ANXA4: variants seen among roughly 807,000 people sequenced by gnomAD.
ANXA4 encodes the protein annexin A4.
In ANXA4, 39 loss-of-function variants were observed where a neutral mutation model predicts 49.8. The ratio of observed to expected loss-of-function variants is 0.78; its 90% CI spans 0.61 to 1.02. The LOEUF (loss-of-function observed/expected upper bound fraction) is 1.02, where lower values mean the gene tolerates loss of function less well. Among genes scored for constraint, ANXA4 ranks in the 50% least tolerant of loss-of-function variants. ANXA4 has a pLI of 0.00. For synonymous variants in ANXA4, 134 were observed against 152.5 expected (o/e 0.88, Z 0.89); for missense variants, 360 against 410.1 (o/e 0.88, Z 1.05).
intron 2 of ANXA4, among the ~76,000 whole-genome samples, chr2:69,684,671 G>C (rs967693891): frequency 7.4e-6 from 1 of 135,898 alleles, no homozygotes; most frequent in African/African-American, 2.8e-5. Flanking sequence ...CTGGGCAACA[G>C]AGCAAGACTG....
At chr2:69,777,388 C>T (rs939712668) in intron 1 of ANXA4, among the ~76,000 whole-genome samples, 1 of 152,160 alleles carries the variant, frequency 6.6e-6, no homozygotes, top group African/African-American at 2.4e-5. Context: ...GCAACCAGCC[C>T]CCCATCCTAT....
chr2:69,745,204 C>T (rs906434907), intron 1 of ANXA4, among the ~76,000 whole-genome samples: 4 of 152,138 alleles, frequency 2.6e-5, no homozygotes, highest in African/African-American at 7.2e-5. Context: ...GGAATAAACT[C>T]GCTCTTTGAG....
At chr2:69,780,269 G>A (rs555473708) in intron 1 of ANXA4, among the ~76,000 whole-genome samples, 14 of 152,076 alleles carry the variant, frequency 9.2e-5, no homozygotes, top group Non-Finnish European at 1.8e-4. Flanking sequence ...ATCTTGGCTC[G>A]CTGCAACCTC....
intron 2 of ANXA4, among the ~76,000 whole-genome samples, chr2:69,672,809 A>T (rs1028621565): frequency 1.3e-5 from 2 of 152,168 alleles, no homozygotes; most frequent in Non-Finnish European, 2.9e-5. Context: ...ACCTGAAACA[A>T]TTAAGGGAAC....
chr2:69,763,712 G>C (rs998158710), intron 1 of ANXA4, among the ~76,000 whole-genome samples: 1 of 149,886 alleles, frequency 6.7e-6, no homozygotes, highest in Non-Finnish European at 1.5e-5. Context: ...GCCCAGGCTG[G>C]AGTGCAGTGG....
chr2:69,661,093 C>A (rs1676700017), intron 2 of ANXA4, among the ~76,000 whole-genome samples: 1 of 151,678 alleles, frequency 6.6e-6, no homozygotes, highest in Non-Finnish European at 1.5e-5. Context: ...CTTCTCATGA[C>A]AACAATACAG....
Position 69,755,021 on chromosome 2 carries a change from T to G in ANXA4, c.-47+12846T>G, listed in dbSNP as rs722264. Among the ~76,000 whole-genome samples, 1,296 of 152,334 alleles carry G rather than the reference T, an allele frequency of 8.5e-3. 20 individuals are homozygous for G. Among genetic ancestry groups the G allele is most frequent in the East Asian group, 0.075 (388 of 5,184 alleles). The stretch of plus-strand genomic sequence containing the variant: ...AATTTTGGTTTCACTTTAAAAGGAA[T>G]GAAATTCTATTAGATGGTACAGCAT... On this transcript the variant is annotated intron_variant, in intron 1 of 12. Transcript: ENST00000394295.
At chr2:69,736,008 G>A (rs1304206826) in intron 3 of ANXA4, among the ~76,000 whole-genome samples, 1 of 152,128 alleles carries the variant, frequency 6.6e-6, no homozygotes, top group Non-Finnish European at 1.5e-5. Context: ...TCTGCAACAT[G>A]GTGGTTTCAG....
chr2:69,822,710 G>C (rs1674294695), intron 12 of ANXA4, among the ~76,000 whole-genome samples: 1 of 152,156 alleles, frequency 6.6e-6, no homozygotes, highest in African/African-American at 2.4e-5. Flanking sequence ...ATGTAGAATA[G>C]GTAGATTCAT....
At chr2:69,723,049 G>A (rs2105431322) in intron 3 of ANXA4, among the ~76,000 whole-genome samples, 1 of 150,312 alleles carries the variant, frequency 6.7e-6, no homozygotes, top group Admixed American at 6.6e-5. Flanking sequence ...ATATTAGCCG[G>A]GCATGGTGGC....
intron 1 of ANXA4, among the ~76,000 whole-genome samples, chr2:69,758,590 C>T (rs1671152288): frequency 6.6e-6 from 1 of 152,086 alleles, no homozygotes; most frequent in Non-Finnish European, 1.5e-5. Context: ...CTACTGCACT[C>T]CAGCTTGGGT....
At position 69,825,587 on chromosome 2, in the gene ANXA4, TATTATC is replaced by T; in HGVS notation, c.*79_*84del. ...TTTTAACTTCATTTTTCTACACTGC[TATTATC>T]ATTATCTCAGAATGCTTATTTCCAA... On this transcript the variant is annotated 3_prime_UTR_variant, in exon 13 of 13. Transcript: ENST00000394295. The T allele has an allele frequency of 1.8e-6, 2 of 1,114,938 alleles. No homozygotes were observed. Among genetic ancestry groups the T allele is most frequent in the East Asian group, 2.4e-5 (1 of 41,806 alleles). 69.1% of individuals were successfully genotyped at this position (1,114,938 alleles called of 1,614,324 possible). A position where few individuals can be genotyped will look rare whatever the true frequency, so the allele number is the denominator to read the frequency against.
At chr2:69,770,552 A>C (rs962524923) in intron 1 of ANXA4, among the ~76,000 whole-genome samples, 2 of 152,166 alleles carry the variant, frequency 1.3e-5, no homozygotes, top group African/African-American at 4.8e-5. Flanking sequence ...ATGTGGGTCA[A>C]TGTTAGGAAC....
intron 1 of ANXA4, among the ~76,000 whole-genome samples, chr2:69,774,412 C>T (rs1439534248): frequency 1.4e-5 from 2 of 139,974 alleles, no homozygotes; most frequent in Admixed American, 7.8e-5. Context: ...AATCTCAGCT[C>T]ACTGCAACCT....
At chr2:69,771,190 G>A (rs1490091604) in intron 1 of ANXA4, among the ~76,000 whole-genome samples, 2 of 152,020 alleles carry the variant, frequency 1.3e-5, no homozygotes, top group Non-Finnish European at 2.9e-5. Context: ...GGTTGATTTG[G>A]GAAGCCAAAC....
rs1389585779 is a variant in ANXA4, at chr2:69,785,297, G to A, written c.10-2757G>A. On this transcript the variant is annotated intron_variant, in intron 2 of 12. Coordinates refer to ENST00000394295, the MANE Select transcript of ANXA4 (RefSeq NM_001153.5). Reference sequence around the variant, plus strand: ...GTCTAGTGCAGTAAGCTCAAGTCAGGCTCACCAGAGAACTGTGCTAAGGGT... The same window carrying A: ...GTCTAGTGCAGTAAGCTCAAGTCAGACTCACCAGAGAACTGTGCTAAGGGT... Among the ~76,000 whole-genome samples, 3 of 152,264 alleles carry A rather than the reference G, an allele frequency of 2.0e-5. No individual in the cohort carries two copies. In the East Asian group the frequency reaches 5.8e-4, roughly 29 times the overall value.
chr2:69,793,812 A>G (rs896162671), intron 3 of ANXA4, among the ~76,000 whole-genome samples: 1 of 151,998 alleles, frequency 6.6e-6, no homozygotes, highest in Non-Finnish European at 1.5e-5. Flanking sequence ...TTCTAGGTGC[A>G]CCAAGAGTGG....
At chr2:69,788,591 A>C (rs978857074) in intron 3 of ANXA4, among the ~76,000 whole-genome samples, 3 of 152,172 alleles carry the variant, frequency 2.0e-5, no homozygotes, top group Admixed American at 6.5e-5. Flanking sequence ...TAATCCCAGC[A>C]CTTTGGGAGG....
chr2:69,729,746 A>G (rs992477925), intron 3 of ANXA4, among the ~76,000 whole-genome samples: 6 of 151,044 alleles, frequency 4.0e-5, no homozygotes, highest in Non-Finnish European at 1.5e-5. Flanking sequence ...AGTGATTTAC[A>G]GTGACATTTT....
Sources: allele counts gnomAD v4.1 joint callset (sites outside exome capture counted in the v4.1 genomes callset), GRCh38; gene constraint gnomAD v4.1.1; transcripts MANE v1.5; gene names NCBI Gene and HGNC (gene_info 2026-07-23, HGNC 2026-07-21).